The following ANO5 variants were observed in gnomAD, a reference collection of about 807,000 sequenced individuals.
The protein encoded by ANO5 is anoctamin-5.
ANO5 carries 109 observed loss-of-function variants against 121.0 expected under a neutral mutation model. The ratio of observed to expected loss-of-function variants is 0.90; its 90% CI spans 0.77 to 1.06. The LOEUF (loss-of-function observed/expected upper bound fraction) is 1.06, where lower values mean the gene tolerates loss of function less well. Ranked by LOEUF, ANO5 falls within the 50% of genes least tolerant of loss-of-function variation. The pLI is 0.00. For synonymous variants in ANO5, 406 were observed against 359.9 expected (o/e 1.13, Z -1.45); for missense variants, 1,064 against 1,078.5 (o/e 0.99, Z 0.19).
chr11:22,279,595 C>A lies in ANO5; in HGVS notation c.2572C>A (p.Pro858Thr). 6.2e-7 allele frequency: 1 copy of A among 1,612,802 alleles called. No individual in the cohort carries two copies. The highest frequency in any genetic ancestry group is 8.5e-7 in the Non-Finnish European group (1 of 1,179,148). ...GCTGGCCTGGATGATACCTGATGTTCCAAAAGATGTTGTGGAGAGAATCAA... is the reference window on the plus strand; with the variant it reads ...GCTGGCCTGGATGATACCTGATGTTACAAAAGATGTTGTGGAGAGAATCAA... ...FLLAWMIPDV[P>T]KDVVERIKRE... The change falls in exon 22 of 22, where the codon CCA (proline) becomes ACA (threonine). Residue 858 changes from proline to threonine, a missense_variant. By Grantham distance (38) the Pro-to-Thr change is conservative. Coordinates refer to ENST00000324559, the MANE Select transcript of ANO5 (RefSeq NM_213599.3).
intron 7 of ANO5, among the ~76,000 whole-genome samples, chr11:22,234,544 G>A (rs973110140): frequency 2.0e-5 from 3 of 151,874 alleles, no homozygotes; most frequent in East Asian, 1.9e-4. Context: ...AATCCTGTTC[G>A]GACATGTTAT....
chr11:22,259,429 T>G, intron 14 of ANO5, 90 bp from the exon 15 acceptor site: 4 of 1,324,140 alleles, frequency 3.0e-6, no homozygotes, highest in Non-Finnish European at 4.3e-6. Context: ...CTTCATATAA[T>G]GAGATGAACA....
rs1855070815 is a variant in ANO5 at position 22,281,373 on chromosome 11, G to GAGAC, written c.*1611_*1614dup. 2 of 152,058 alleles carry GAGAC rather than the reference G, an allele frequency of 1.3e-5. No individual in the cohort carries two copies. Among genetic ancestry groups the GAGAC allele is most frequent in the East Asian group, 3.9e-4 (2 of 5,192 alleles). 9.4% of individuals were successfully genotyped at this position (152,058 alleles called of 1,614,324 possible). On this transcript the variant is annotated 3_prime_UTR_variant, in exon 22 of 22. Coordinates refer to ENST00000324559, the MANE Select transcript of ANO5 (RefSeq NM_213599.3). ...GGGGATTATGGATTTTATAAACTAT[G>GAGAC]AGACAGTCACCCCAGTTTGGACTGG...
At chr11:22,220,203 G>A (rs571328738) in intron 4 of ANO5, among the ~76,000 whole-genome samples, 5 of 152,096 alleles carry the variant, frequency 3.3e-5, no homozygotes, top group East Asian at 1.9e-4. Context: ...TTACTCATTC[G>A]CAGGTGAGCT....
intron 12 of ANO5, among the ~76,000 whole-genome samples, chr11:22,251,951 A>G (rs1590286427): frequency 6.9e-6 from 1 of 145,712 alleles, no homozygotes; most frequent in African/African-American, 2.5e-5. Context: ...AATGGCATGA[A>G]CCCGGGAGGC....
In ANO5 at chr11:22,272,877, A is replaced by G. The variant is rs761975995; in HGVS notation, c.2123A>G (p.Asp708Gly). 8 of 1,613,972 alleles carry G rather than the reference A, an allele frequency of 5.0e-6. No homozygotes were observed. In the South Asian group the frequency reaches 7.7e-5, roughly 16 times the overall value. Residue 708 changes from aspartate (D) to glycine (G), a missense_variant, in exon 19 of 22, where the codon GAT becomes GGT. Transcript: ENST00000324559. ...LINNIVEIRVDAWKLTTQYRR... is the reference protein window; with the variant it reads ...LINNIVEIRVGAWKLTTQYRR... ...AATAATATTGTAGAGATTCGAGTGG[A>G]TGCCTGGAAACTTACCACTCAATAC...
chr11:22,198,771 C>T (rs1851882665), intron 1 of ANO5, among the ~76,000 whole-genome samples: 1 of 152,136 alleles, frequency 6.6e-6, no homozygotes, highest in Non-Finnish European at 1.5e-5. Context: ...AAAAAAGCCT[C>T]TCTAAGTCAA....
At chr11:22,238,709 G>A (rs1009176493) in intron 8 of ANO5, among the ~76,000 whole-genome samples, 6 of 151,858 alleles carry the variant, frequency 4.0e-5, no homozygotes, top group African/African-American at 7.3e-5. Context: ...ATTTTCACAC[G>A]TGCTAAATTT....
chr11:22,236,149 C>T lies in ANO5; in HGVS notation c.649-14C>T, dbSNP rs763172935. The T allele has an allele frequency of 1.3e-6, 2 of 1,543,202 alleles. No homozygotes were observed. The highest frequency in any genetic ancestry group is 3.3e-5 in the Admixed American group (2 of 59,808). ...TCTGAGATGTGATAGTGTCTCTTTG[C>T]ACTTACCTTGTAGGTGTACTATATT... On this transcript the variant is annotated splice_polypyrimidine_tract_variant and intron_variant, in intron 7 of 21. Coordinates refer to ENST00000324559, the MANE Select transcript of ANO5 (RefSeq NM_213599.3).
intron 20 of ANO5, 29 bp from the exon 21 acceptor site, chr11:22,276,065 T>A (rs758671507): frequency 1.4e-6 from 2 of 1,407,744 alleles, no homozygotes; most frequent in African/African-American, 2.8e-5. Flanking sequence ...TTATTATTTT[T>A]TTTTTTTGCA....
In ANO5 at chr11:22,259,148, A is replaced by G. The variant is rs79621903; in HGVS notation, c.1408-371A>G. Reference sequence around the variant, plus strand: ...ACTCTGTCTCAAAAAAAAAAAAAAAAAGAGAAAAAAACACAAAAGAACATT... The same window carrying G: ...ACTCTGTCTCAAAAAAAAAAAAAAAGAGAGAAAAAAACACAAAAGAACATT... On this transcript the variant is annotated intron_variant, in intron 14 of 21. Transcript: ENST00000324559. Among the ~76,000 whole-genome samples, 1,977 of 150,662 alleles carry G rather than the reference A, an allele frequency of 0.013. 136 individuals are homozygous for G. The East Asian group carries it at 0.2, about 16-fold the overall frequency.
intron 18 of ANO5, 84 bp downstream of exon 18, chr11:22,270,526 C>A: frequency 6.4e-7 from 1 of 1,574,046 alleles, no homozygotes; most frequent in Non-Finnish European, 8.7e-7. Flanking sequence ...CTGCCTTGCA[C>A]ATGGTAGGTG....
chr11:22,209,587 C>T (rs1564913259), intron 2 of ANO5, among the ~76,000 whole-genome samples: 1 of 151,830 alleles, frequency 6.6e-6, no homozygotes. Context: ...GCTCCTTATT[C>T]ACTGTATAAT....
At position 22,276,342 on chromosome 11, in the gene ANO5, C is replaced by T. The variant is rs1484135564; in HGVS notation, c.2520+143C>T. On this transcript the variant is annotated intron_variant, in intron 21 of 21. Transcript: ENST00000324559. ...ATTGTATTTGTAGTCATAAAAAGCA[C>T]CTTAGGGATATTCTTAGTACAATGG... 4.2e-6 allele frequency: 3 copies of T among 710,378 alleles called. No individual in the cohort carries two copies. The East Asian group carries it at 8.3e-5, about 20-fold the overall frequency. The allele number at this position is 710,378 out of a possible 1,614,324, so 44.0% of individuals were successfully genotyped here. A position where few individuals can be genotyped will look rare whatever the true frequency, so the allele number is the denominator to read the frequency against.
chr11:22,222,859 T>A (rs1003705538), intron 5 of ANO5, among the ~76,000 whole-genome samples: 4 of 152,022 alleles, frequency 2.6e-5, no homozygotes, highest in Non-Finnish European at 5.9e-5. Context: ...CCTTCCATAT[T>A]CTGTTTTCTC....
intron 9 of ANO5, among the ~76,000 whole-genome samples, chr11:22,244,020 G>A (rs1444680146): frequency 8.1e-6 from 1 of 123,510 alleles, no homozygotes; most frequent in Non-Finnish European, 1.9e-5. Context: ...ATGTGTTTAA[G>A]TGTGTTTTGT....
At chr11:22,263,073 A>T (rs776322895) in intron 17 of ANO5, 30 bp downstream of exon 17, 7 of 1,534,232 alleles carry the variant, frequency 4.6e-6, no homozygotes, top group Non-Finnish European at 6.3e-6. Context: ...TTTTTATTTG[A>T]TTTAAGTAAC....
At position 22,239,453 on chromosome 11, in the gene ANO5, A is replaced by G. The variant is rs888182660; in HGVS notation, c.763-116A>G. On this transcript the variant is annotated intron_variant, in intron 8 of 21. Transcript: ENST00000324559. Reference sequence around the variant, plus strand: ...TTCACATCAATTGAATATGAAATCTAAAAGTAAAAGAAAACATACCCTTGT... The same window carrying G: ...TTCACATCAATTGAATATGAAATCTGAAAGTAAAAGAAAACATACCCTTGT... 7.7e-5 allele frequency: 57 copies of G among 742,932 alleles called. No homozygotes were observed. The South Asian group carries it at 8.5e-4, about 11-fold the overall frequency. 46.0% of individuals were successfully genotyped at this position (742,932 alleles called of 1,614,324 possible).
At chr11:22,258,244 A>G (rs1854068353) in intron 14 of ANO5, among the ~76,000 whole-genome samples, 1 of 152,192 alleles carries the variant, frequency 6.6e-6, no homozygotes, top group African/African-American at 2.4e-5. Flanking sequence ...ACAGTTGTAG[A>G]CTATAGTTTA....
Sources: gnomAD v4.1 joint callset for allele counts (sites outside exome capture counted in the v4.1 genomes callset) on GRCh38, gnomAD v4.1.1 for gene constraint, MANE v1.5 for transcripts, NCBI Gene and HGNC (gene_info 2026-07-23, HGNC 2026-07-21) for gene names.